Variants in CCDC117 observed in about 807,000 individuals in gnomAD.
CCDC117 encodes the protein coiled-coil domain-containing protein 117.
A neutral mutation model predicts 23.5 loss-of-function variants in CCDC117; 1 was observed. The ratio of observed to expected loss-of-function variants is 0.04; its 90% CI spans 0.02 to 0.20. CCDC117 has a LOEUF of 0.20. Among genes scored for constraint, CCDC117 ranks in the 10% least tolerant of loss-of-function variants. The pLI, the probability that CCDC117 is intolerant of heterozygous loss-of-function variation, is 1.00. For synonymous variants in CCDC117, 132 were observed against 124.8 expected (o/e 1.06, Z -0.39); for missense variants, 383 against 348.2 (o/e 1.10, Z -0.80).
In CCDC117 at chr22:28,773,045, C is replaced by T. The variant is rs2031038059; in HGVS notation, c.185+11C>T. 6.1e-6 allele frequency: 6 copies of T among 977,446 alleles called. No individual in the cohort carries two copies. In the South Asian group the frequency reaches 2.4e-4, roughly 39 times the overall value. The allele number at this position is 977,446 out of a possible 1,614,324, so 60.5% of individuals were successfully genotyped here. A position where few individuals can be genotyped will look rare whatever the true frequency, so the allele number is the denominator to read the frequency against. On this transcript the variant is annotated intron_variant, in intron 1 of 4. Transcript: ENST00000249064. ...TGCGGCGCGCGGACGGTGAGGAGCC[C>T]GTCGGGCGCAGGGCGCAGGGCGGGC... is the stretch of plus-strand genomic sequence containing the variant.
chr22:28,786,057 T>A (rs1172050190), intron 4 of CCDC117, 32 bp from the exon 5 acceptor site: 1 of 1,526,770 alleles, frequency 6.5e-7, no homozygotes, highest in Admixed American at 2.1e-5. Flanking sequence ...GTCCTAAAAT[T>A]TTTTGATAAA....
chr22:28,778,391 T>G (rs2031229924), intron 2 of CCDC117, among the ~76,000 whole-genome samples: 1 of 152,042 alleles, frequency 6.6e-6, no homozygotes, highest in Non-Finnish European at 1.5e-5. Context: ...GCAGATCACC[T>G]CAGATCAGTA....
rs370272489 is a variant in CCDC117, at chr22:28,786,216, A to C, written c.730A>C (p.Thr244Pro). Residue 244 changes from threonine (T) to proline (P), a missense_variant, in exon 5 of 5, where the codon ACT (threonine) becomes CCT (proline). Coordinates refer to ENST00000249064, the MANE Select transcript of CCDC117 (RefSeq NM_173510.4). ...ESQAKHVAAG[T>P]AFPQRTELFS... ...CCAAGCTAAGCATGTAGCTGCTGGCACTGCCTTCCCTCAGAGAACTGAACT... is the reference window on the plus strand; with the variant it reads ...CCAAGCTAAGCATGTAGCTGCTGGCCCTGCCTTCCCTCAGAGAACTGAACT... The C allele has an allele frequency of 6.2e-7, 1 of 1,614,190 alleles. No individual in the cohort carries two copies. Among genetic ancestry groups the C allele is most frequent in the Non-Finnish European group, 8.5e-7 (1 of 1,180,012 alleles).
chr22:28,776,127 C>T (rs966781666), intron 2 of CCDC117, among the ~76,000 whole-genome samples: 13 of 152,098 alleles, frequency 8.5e-5, no homozygotes, highest in African/African-American at 2.4e-4. Flanking sequence ...CCTGATTTGG[C>T]ATCCGGTGTG....
chr22:28,780,358 G>C (rs2031282691), intron 2 of CCDC117, among the ~76,000 whole-genome samples: 1 of 152,188 alleles, frequency 6.6e-6, no homozygotes, highest in Non-Finnish European at 1.5e-5. Flanking sequence ...CAAACCTCAT[G>C]AGACATGTTT....
intron 4 of CCDC117, among the ~76,000 whole-genome samples, 196 bp downstream of exon 4, chr22:28,783,841 G>A (rs867261813): frequency 1.3e-5 from 2 of 152,138 alleles, no homozygotes; most frequent in Non-Finnish European, 2.9e-5. Flanking sequence ...GGAAGTGGCT[G>A]CCTTGCCTAC....
At position 28,786,402 on chromosome 22, in the gene CCDC117, A is replaced by G; in HGVS notation, c.*76A>G. 1 of 1,029,884 alleles carries G rather than the reference A, an allele frequency of 9.7e-7. No homozygotes were observed. Among genetic ancestry groups the G allele is most frequent in the East Asian group, 2.4e-5 (1 of 41,372 alleles). 63.8% of individuals were successfully genotyped at this position (1,029,884 alleles called of 1,614,324 possible). A position where few individuals can be genotyped will look rare whatever the true frequency, so the allele number is the denominator to read the frequency against. On this transcript the variant is annotated 3_prime_UTR_variant, in exon 5 of 5. Transcript: ENST00000249064. The stretch of plus-strand genomic sequence containing the variant: ...AGTTATGAGACTCTTTGCATAGTAT[A>G]GGGACTTGAAAGTTTTATGAGACGG...
rs764282384 is a variant in CCDC117 at position 28,780,974 on chromosome 22, C to T, written c.266C>T (p.Thr89Ile). 2 of 1,613,248 alleles carry T rather than the reference C, an allele frequency of 1.2e-6. No homozygotes were observed. Among genetic ancestry groups the T allele is most frequent in the South Asian group, 2.2e-5 (2 of 91,010 alleles). The change falls in exon 3 of 5, where the codon ACT (threonine) becomes ATT (isoleucine). Residue 89 changes from threonine (T) to isoleucine (I), a missense_variant. Transcript: ENST00000249064. ...TGTCCAGTAAGAAAGAAAAGGATAA[C>T]TGAAGCAGAGCTCTGTGCTGGTCCT... Reference protein sequence around the residue: ...DDCPVRKKRITEAELCAGPND... With the variant: ...DDCPVRKKRIIEAELCAGPND...
At chr22:28,781,290 TAA>T in intron 3 of CCDC117, 118 bp downstream of exon 3, 3 of 534,380 alleles carry the variant, frequency 5.6e-6, no homozygotes, top group Non-Finnish European at 1.0e-5. Context: ...TCAGAAAGAC[TAA>T]GTCAGATAAT....
At chr22:28,773,510 G>A (rs1283106746) in intron 1 of CCDC117, 2 of 585,366 alleles carry the variant, frequency 3.4e-6, no homozygotes, top group Admixed American at 2.9e-5. Context: ...CTTCCATTAC[G>A]TTGATAAAAG....
chr22:28,786,743 TAGATATGA>T lies in CCDC117; in HGVS notation c.*418_*425del, dbSNP rs578148451. ...GACAGTTAAGTCACAGCTTAATGTG[TAGATATGA>T]GCTGTTTACAGTGGTGACTATATAT... is the stretch of plus-strand genomic sequence containing the variant. On this transcript the variant is annotated 3_prime_UTR_variant, in exon 5 of 5. Coordinates refer to ENST00000249064, the MANE Select transcript of CCDC117 (RefSeq NM_173510.4). The T allele has an allele frequency of 2.0e-3, 352 of 172,280 alleles. 1 individual carries two copies. Among genetic ancestry groups the T allele is most frequent in the African/African-American group, 8.0e-3 (336 of 41,872 alleles). 10.7% of individuals were successfully genotyped at this position (172,280 alleles called of 1,614,324 possible).
rs1373315339 is a variant in CCDC117, at chr22:28,786,662, T to C, written c.*336T>C. On this transcript the variant is annotated 3_prime_UTR_variant, in exon 5 of 5. Coordinates refer to ENST00000249064, the MANE Select transcript of CCDC117 (RefSeq NM_173510.4). The stretch of plus-strand genomic sequence containing the variant: ...CTAAACTATTCAGACACTTGGAGAA[T>C]ATTCTCCTTGAATTAAAAAAGATGA... 5 of 208,178 alleles carry C rather than the reference T, an allele frequency of 2.4e-5. No individual in the cohort carries two copies. The South Asian group carries it at 4.5e-4, about 19-fold the overall frequency. The allele number at this position is 208,178 out of a possible 1,614,324, so 12.9% of individuals were successfully genotyped here.
At position 28,787,464 on chromosome 22, in the gene CCDC117, T is replaced by C. The variant is rs535594956; in HGVS notation, c.*1138T>C. On this transcript the variant is annotated 3_prime_UTR_variant, in exon 5 of 5. Coordinates refer to ENST00000249064, the MANE Select transcript of CCDC117 (RefSeq NM_173510.4). ...AGCAAGTTGTTTTTAAATGTTAATA[T>C]AGAAAACAGTGAAGGATTAGCTGAA... 1 of 152,310 alleles carries C rather than the reference T, an allele frequency of 6.6e-6. No individual in the cohort carries two copies. The highest frequency in any genetic ancestry group is 2.4e-5 in the African/African-American group (1 of 41,578). The allele number at this position is 152,310 out of a possible 1,614,324, so 9.4% of individuals were successfully genotyped here.
rs932034692 is a variant in CCDC117, at chr22:28,786,456, G to T, written c.*130G>T. On this transcript the variant is annotated 3_prime_UTR_variant, in exon 5 of 5. Coordinates refer to ENST00000249064, the MANE Select transcript of CCDC117 (RefSeq NM_173510.4). ...TAATAATATCTCCACCTGTGATTTG[G>T]GGGTGGGACTCTTATTTTGGGTAGC... 4.9e-6 allele frequency: 3 copies of T among 615,012 alleles called. No homozygotes were observed. The South Asian group carries it at 7.1e-5, about 15-fold the overall frequency. 38.1% of individuals were successfully genotyped at this position (615,012 alleles called of 1,614,324 possible).
Position 28,772,911 on chromosome 22 carries a change from A to T in CCDC117, c.62A>T (p.Gln21Leu). 4.9e-6 allele frequency: 6 copies of T among 1,228,332 alleles called. No homozygotes were observed. Among genetic ancestry groups the T allele is most frequent in the Non-Finnish European group, 5.1e-6 (5 of 985,044 alleles). 76.1% of individuals were successfully genotyped at this position (1,228,332 alleles called of 1,614,324 possible). Residue 21 changes from glutamine to leucine, a missense_variant, in exon 1 of 5, where the codon CAG becomes CTG. Transcript: ENST00000249064. ...LPLSGGSDFL[Q>L]PPQPAFPGRA... is the part of the protein sequence containing the mutation. ...CTGAGCGGCGGCTCGGACTTCCTGC[A>T]GCCGCCGCAGCCGGCCTTCCCCGGC...
At position 28,789,180 on chromosome 22, in the gene CCDC117, CAAG is replaced by C. The variant is rs1265575011; in HGVS notation, c.*2857_*2859del. Reference sequence around the variant, plus strand: ...ACTTGGCTTTGTTTTTCAATAGTGACAAGAATGGTTCAGTTCTAGGAATGTTCT... The same window carrying C: ...ACTTGGCTTTGTTTTTCAATAGTGACAATGGTTCAGTTCTAGGAATGTTCT... On this transcript the variant is annotated 3_prime_UTR_variant, in exon 5 of 5. Transcript: ENST00000249064. 2.0e-5 allele frequency: 3 copies of C among 152,056 alleles called. No homozygotes were observed. Among genetic ancestry groups the C allele is most frequent in the African/African-American group, 7.2e-5 (3 of 41,404 alleles). The allele number at this position is 152,056 out of a possible 1,614,324, so 9.4% of individuals were successfully genotyped here.
intron 4 of CCDC117, among the ~76,000 whole-genome samples, chr22:28,785,739 G>A (rs920145636): frequency 5.9e-5 from 9 of 152,178 alleles, no homozygotes; most frequent in African/African-American, 1.9e-4. Context: ...AGTGTGCAAT[G>A]TTATGTATTT....
chr22:28,785,013 A>C (rs891388290), intron 4 of CCDC117, among the ~76,000 whole-genome samples: 1 of 151,744 alleles, frequency 6.6e-6, no homozygotes, highest in Non-Finnish European at 1.5e-5. Context: ...CTTGTGATCC[A>C]CCCTCTTCGG....
In CCDC117 at chr22:28,772,785, C is replaced by T. The variant is rs1342369031; in HGVS notation, c.-65C>T. On this transcript the variant is annotated 5_prime_UTR_variant, in exon 1 of 5. Coordinates refer to ENST00000249064, the MANE Select transcript of CCDC117 (RefSeq NM_173510.4). ...CGGGTTTTGGCAGTAGCTGTGGCTG[C>T]GGCTGCCGGGCCTGGGGACGCGGGC... The T allele has an allele frequency of 1.7e-6, 2 of 1,190,212 alleles. No individual in the cohort carries two copies. The highest frequency in any genetic ancestry group is 1.6e-5 in the African/African-American group (1 of 63,024). The allele number at this position is 1,190,212 out of a possible 1,614,324, so 73.7% of individuals were successfully genotyped here.
Sources: gnomAD v4.1 joint callset for allele counts (sites outside exome capture counted in the v4.1 genomes callset) on GRCh38, gnomAD v4.1.1 for gene constraint, MANE v1.5 for transcripts, NCBI Gene and HGNC (gene_info 2026-07-23, HGNC 2026-07-21) for gene names.